Variants in ROBO2 observed in about 807,000 individuals in gnomAD.
ROBO2 encodes roundabout homolog 2.
ROBO2 carries 53 observed loss-of-function variants against 160.8 expected under a neutral mutation model. The ratio of observed to expected loss-of-function variants is 0.33; its 90% CI spans 0.26 to 0.41. The LOEUF is 0.41. Ranked by LOEUF, ROBO2 falls within the 10% of genes least tolerant of loss-of-function variation. ROBO2 has a pLI of 1.00. For missense variants in ROBO2, 1,577 were observed against 1,722.4 expected (o/e 0.92, Z 1.49); for synonymous variants, 664 against 611.7 (o/e 1.09, Z -1.26).
At chr3:77,642,012 T>C (rs556928495) in intron 24 of ROBO2, among the ~76,000 whole-genome samples, 17 of 152,324 alleles carry the variant, frequency 1.1e-4, no homozygotes, top group African/African-American at 3.4e-4. Flanking sequence ...CTCTGAACAT[T>C]GGTTATTACT....
chr3:76,649,358 CTT>C (rs950545051), intron 2 of ROBO2, among the ~76,000 whole-genome samples: 3 of 152,136 alleles, frequency 2.0e-5, no homozygotes, highest in African/African-American at 7.2e-5. Flanking sequence ...TCAGAATAAA[CTT>C]AATTTATTTA....
At chr3:77,386,347 A>G (rs1200346630) in intron 2 of ROBO2, among the ~76,000 whole-genome samples, 1 of 152,116 alleles carries the variant, frequency 6.6e-6, no homozygotes, top group Non-Finnish European at 1.5e-5. Flanking sequence ...TTAACACTTT[A>G]AAAAAAGATA....
intron 2 of ROBO2, among the ~76,000 whole-genome samples, chr3:77,301,375 T>C (rs1473359939): frequency 6.6e-6 from 1 of 152,140 alleles, no homozygotes; most frequent in African/African-American, 2.4e-5. Context: ...ATAAATTGCA[T>C]TGGCTAAGTG....
At chr3:76,400,585 T>G (rs1230265834) in intron 2 of ROBO2, among the ~76,000 whole-genome samples, 8 of 151,566 alleles carry the variant, frequency 5.3e-5, no homozygotes, top group African/African-American at 1.9e-4. Context: ...TATGGTAATT[T>G]GTAAGATTGA....
At chr3:76,473,142 C>T (rs571210696) in intron 2 of ROBO2, among the ~76,000 whole-genome samples, 118 of 152,218 alleles carry the variant, frequency 7.8e-4, no homozygotes, top group African/African-American at 2.4e-3. Flanking sequence ...CTGACTCCCA[C>T]GGGCATTTAC....
intron 2 of ROBO2, among the ~76,000 whole-genome samples, chr3:77,209,310 A>G (rs1180963810): frequency 6.6e-6 from 1 of 152,212 alleles, no homozygotes; most frequent in African/African-American, 2.4e-5. Flanking sequence ...CTGATTATCA[A>G]AATATTTATA....
intron 2 of ROBO2, among the ~76,000 whole-genome samples, chr3:77,428,980 T>C (rs2078498946): frequency 6.6e-6 from 1 of 152,196 alleles, no homozygotes; most frequent in African/African-American, 2.4e-5. Context: ...TTTGATTTAT[T>C]TTTTATTAGA....
At chr3:76,774,968 A>G (rs1245366095) in intron 2 of ROBO2, among the ~76,000 whole-genome samples, 2 of 150,674 alleles carry the variant, frequency 1.3e-5, no homozygotes, top group African/African-American at 4.8e-5. Flanking sequence ...TTTGGGATTA[A>G]TTGGATTTGC....
intron 2 of ROBO2, among the ~76,000 whole-genome samples, chr3:76,639,574 T>C (rs1222981601): frequency 6.6e-6 from 1 of 152,076 alleles, no homozygotes; most frequent in Non-Finnish European, 1.5e-5. Context: ...AAAATGTCTA[T>C]ACCATCATTT....
intron 2 of ROBO2, among the ~76,000 whole-genome samples, chr3:76,355,800 A>G (rs1228729252): frequency 6.6e-6 from 1 of 151,744 alleles, no homozygotes; most frequent in African/African-American, 2.4e-5. Flanking sequence ...TGGTGATTTT[A>G]AGGATATCCC....
At chr3:76,205,148 C>T (rs1702739370) in intron 2 of ROBO2, among the ~76,000 whole-genome samples, 1 of 152,048 alleles carries the variant, frequency 6.6e-6, no homozygotes, top group Non-Finnish European at 1.5e-5. Context: ...GTATTTTTTC[C>T]TCTAGAAAAA....
chr3:76,460,576 CT>C (rs1236274608), intron 2 of ROBO2, among the ~76,000 whole-genome samples: 2 of 152,130 alleles, frequency 1.3e-5, no homozygotes, highest in African/African-American at 4.8e-5. Context: ...AGAAAATTAC[CT>C]TTGTGGATAG....
intron 8 of ROBO2, among the ~76,000 whole-genome samples, chr3:77,557,231 A>G (rs555952074): frequency 6.6e-6 from 1 of 152,146 alleles, no homozygotes; most frequent in South Asian, 2.1e-4. Flanking sequence ...AACAATTGAT[A>G]TACATGTAAA....
intron 2 of ROBO2, among the ~76,000 whole-genome samples, chr3:76,544,534 A>G (rs2082990462): frequency 6.6e-6 from 1 of 151,924 alleles, no homozygotes; most frequent in Non-Finnish European, 1.5e-5. Context: ...ATTTTTCTGC[A>G]TCTATCGCTA....
intron 2 of ROBO2, among the ~76,000 whole-genome samples, chr3:76,955,888 C>CAAAA (rs35674535): frequency 2.4e-5 from 3 of 124,050 alleles, no homozygotes; most frequent in Non-Finnish European, 3.4e-5. Context: ...GAGACTCCGT[C>CAAAA]AAAAAAAAAA....
intron 5 of ROBO2, among the ~76,000 whole-genome samples, chr3:77,506,352 A>C (rs766103272): frequency 6.6e-6 from 1 of 152,310 alleles, no homozygotes; most frequent in African/African-American, 2.4e-5. Context: ...TCTAAGAGAA[A>C]GTAGTGCTCA....
intron 2 of ROBO2, among the ~76,000 whole-genome samples, chr3:76,085,112 T>G (rs201266911): frequency 2.7e-5 from 4 of 146,692 alleles, no homozygotes; most frequent in African/African-American, 5.2e-5. Context: ...CATATATATA[T>G]ATATACACAC....
intron 2 of ROBO2, among the ~76,000 whole-genome samples, chr3:76,932,681 C>T (rs1394165365): frequency 1.3e-5 from 2 of 152,054 alleles, no homozygotes; most frequent in Non-Finnish European, 2.9e-5. Context: ...AAGAGAACTA[C>T]CTACACAAAA....
At chr3:76,425,194 C>CT (rs929761945) in intron 2 of ROBO2, among the ~76,000 whole-genome samples, 27 of 148,688 alleles carry the variant, frequency 1.8e-4, no homozygotes, top group Middle Eastern at 3.5e-3. Flanking sequence ...AGGATTCTGC[C>CT]TTTTTTTTTT....
Sources: gnomAD v4.1 joint callset for allele counts (sites outside exome capture counted in the v4.1 genomes callset) on GRCh38, gnomAD v4.1.1 for gene constraint, MANE v1.5 for transcripts, NCBI Gene and HGNC (gene_info 2026-07-23, HGNC 2026-07-21) for gene names.